The following GALNT2 variants were observed in gnomAD, a reference collection of about 807,000 sequenced individuals.
The protein encoded by GALNT2 is polypeptide N-acetylgalactosaminyltransferase 2, also known as UDP-GalNAc:polypeptide N-acetylgalactosaminyltransferase 2.
In GALNT2, 31 loss-of-function variants were observed where a neutral mutation model predicts 81.4. The ratio of observed to expected loss-of-function variants is 0.38; its 90% CI spans 0.29 to 0.51. The LOEUF (loss-of-function observed/expected upper bound fraction) is 0.51. Ranked by LOEUF, GALNT2 falls within the 20% of genes least tolerant of loss-of-function variation. The probability of loss-of-function intolerance (pLI) is 0.87; values close to 1 mark genes in which losing one functional copy is unlikely to be tolerated. For synonymous variants in GALNT2, 303 were observed against 287.4 expected, an observed-to-expected ratio of 1.05 and a Z score of -0.55; for missense variants, 629 against 765.7, an observed-to-expected ratio of 0.82 and a Z score of 2.11.
At chr1:230,094,044 C>G (rs1215576943) in intron 1 of GALNT2, among the ~76,000 whole-genome samples, 2 of 152,124 alleles carry the variant, frequency 1.3e-5, no homozygotes, top group Admixed American at 1.3e-4. Context: ...CTCTGTTGCC[C>G]AGGCTGGAAT....
At chr1:230,064,955 T>C (rs1225310888), upstream of GALNT2, among the ~76,000 whole-genome samples, 3 of 152,270 alleles carry the variant, frequency 2.0e-5, no homozygotes, top group Non-Finnish European at 4.4e-5. Context: ...ATCGTTTTAC[T>C]AAAATATATT....
chr1:230,261,806 C>G (rs557039613), intron 11 of GALNT2: 1 of 152,148 alleles, frequency 6.6e-6, no homozygotes, highest in Non-Finnish European at 1.5e-5. Flanking sequence ...GTCAAGAGAT[C>G]GAGACCATCC....
chr1:230,090,869 A>C (rs1660051421), intron 1 of GALNT2, among the ~76,000 whole-genome samples: 1 of 152,018 alleles, frequency 6.6e-6, no homozygotes, highest in South Asian at 2.1e-4. Flanking sequence ...CTAAGGCATC[A>C]CTCTTGGTTT....
intron 1 of GALNT2, among the ~76,000 whole-genome samples, chr1:230,089,912 G>A (rs192850418): frequency 6.6e-6 from 1 of 152,270 alleles, no homozygotes; most frequent in Admixed American, 6.5e-5. Context: ...AGTACACCTG[G>A]TGGAACTGCT....
chr1:230,098,817 A>T (rs1660322276), intron 1 of GALNT2, among the ~76,000 whole-genome samples: 1 of 152,192 alleles, frequency 6.6e-6, no homozygotes, highest in South Asian at 2.1e-4. Flanking sequence ...TTAGCATCCA[A>T]GATGGAGTTG....
rs118120922 is a variant in GALNT2 at position 230,081,735 on chromosome 1, C to T, written c.126+14329C>T. ...CAACTGGATTGCAGATCAATAGATACACTCTGTGATGATTTTAAGGAGGAA... is the reference window on the plus strand; with the variant it reads ...CAACTGGATTGCAGATCAATAGATATACTCTGTGATGATTTTAAGGAGGAA... On this transcript the variant is annotated intron_variant, in intron 1 of 15. Coordinates refer to ENST00000366672, the MANE Select transcript of GALNT2 (RefSeq NM_004481.5). Among the ~76,000 whole-genome samples the T allele has an allele frequency of 3.2e-3, 493 of 152,320 alleles. 9 individuals carry two copies. In the East Asian group the frequency reaches 0.063, roughly 19 times the overall value.
chr1:230,110,866 C>G (rs919151755), intron 1 of GALNT2, among the ~76,000 whole-genome samples: 5 of 152,060 alleles, frequency 3.3e-5, no homozygotes, highest in African/African-American at 1.2e-4. Flanking sequence ...ATAGTTTCCT[C>G]TGGGTGGGTT....
intron 1 of GALNT2, among the ~76,000 whole-genome samples, chr1:230,140,974 G>C (rs1220065056): frequency 6.6e-6 from 1 of 152,138 alleles, no homozygotes; most frequent in East Asian, 1.9e-4. Context: ...CTCTGCTTTT[G>C]TGTCATCATT....
Position 230,243,461 on chromosome 1 carries a change from C to T in GALNT2, c.729+34C>T, listed in dbSNP as rs750666004. 1.2e-5 allele frequency: 19 copies of T among 1,603,694 alleles called. No homozygotes were observed. Among genetic ancestry groups the T allele is most frequent in the Middle Eastern group, 1.7e-4 (1 of 6,060 alleles). ...ACGGGGGCTGGGAGGGGTGTCAGGT[C>T]GTGGGTGGTTGGTAGAGGGGACAGA... On this transcript the variant is annotated intron_variant, in intron 7 of 15. Coordinates refer to ENST00000366672, the MANE Select transcript of GALNT2 (RefSeq NM_004481.5). This position sits in a 1 kb window ranked among gnomAD's most constrained non-coding sequence, Gnocchi z 4.2.
At position 230,121,281 on chromosome 1, in the gene GALNT2, C is replaced by T. The variant is rs1235972167; in HGVS notation, c.126+53875C>T. Among the ~76,000 whole-genome samples, 3 of 152,244 alleles carry T rather than the reference C, an allele frequency of 2.0e-5. No individual in the cohort carries two copies. In the East Asian group the frequency reaches 5.8e-4, roughly 29 times the overall value. On this transcript the variant is annotated intron_variant, in intron 1 of 15. Transcript: ENST00000366672. Reference sequence around the variant, plus strand: ...GGTTGTGAAGGCTTTGTATGGGTCCCTGGACCACACCTGAGGAGGCGCTGT... The same window carrying T: ...GGTTGTGAAGGCTTTGTATGGGTCCTTGGACCACACCTGAGGAGGCGCTGT...
At chr1:230,137,381 T>TG (rs1264784448) in intron 1 of GALNT2, among the ~76,000 whole-genome samples, 9 of 152,182 alleles carry the variant, frequency 5.9e-5, no homozygotes, top group African/African-American at 2.2e-4. Context: ...CCTTGGTGGC[T>TG]GGGAGGGTCT....
chr1:230,170,949 C>T (rs1312587882), intron 1 of GALNT2, among the ~76,000 whole-genome samples: 1 of 152,202 alleles, frequency 6.6e-6, no homozygotes, highest in East Asian at 1.9e-4. Context: ...GAGGAGACAG[C>T]TATCCAGATG....
intron 2 of GALNT2, among the ~76,000 whole-genome samples, chr1:230,183,104 G>C (rs1445465255): frequency 6.6e-6 from 1 of 152,116 alleles, no homozygotes; most frequent in East Asian, 1.9e-4. Flanking sequence ...TAGCATGATA[G>C]ATCTAACTTT....
chr1:230,220,124 C>G (rs553438251), intron 3 of GALNT2, among the ~76,000 whole-genome samples: 312 of 152,286 alleles, frequency 2.0e-3, no homozygotes, highest in African/African-American at 6.7e-3. Flanking sequence ...ACCTTGTACT[C>G]AAACACACTA....
chr1:230,270,217 A>T (rs889936295), intron 14 of GALNT2, among the ~76,000 whole-genome samples: 11 of 152,162 alleles, frequency 7.2e-5, no homozygotes, highest in Non-Finnish European at 1.6e-4. Context: ...ATAAATAAAA[A>T]TTTTTAAAAA....
At chr1:230,127,756 C>G (rs558088098) in intron 1 of GALNT2, among the ~76,000 whole-genome samples, 1 of 151,772 alleles carries the variant, frequency 6.6e-6, no homozygotes, top group Non-Finnish European at 1.5e-5. Context: ...CTCAGTGATA[C>G]GCTCCCGTGC....
At chr1:230,167,685 A>AGGAGC (rs1441498906) in intron 1 of GALNT2, among the ~76,000 whole-genome samples, 2 of 152,158 alleles carry the variant, frequency 1.3e-5, no homozygotes, top group Non-Finnish European at 2.9e-5. Flanking sequence ...CCGAGCGTGG[A>AGGAGC]GGAGCGCCGT....
intron 2 of GALNT2, among the ~76,000 whole-genome samples, chr1:230,183,066 G>A (rs964469424): frequency 1.3e-5 from 2 of 152,080 alleles, no homozygotes; most frequent in African/African-American, 4.8e-5. Flanking sequence ...AATTAATATA[G>A]CTATTCTTAC....
At chr1:230,274,684 T>C (rs1291392620) in intron 15 of GALNT2, 120 bp downstream of exon 15, 5 of 1,200,830 alleles carry the variant, frequency 4.2e-6, no homozygotes, top group Admixed American at 2.9e-5. Context: ...ACTTATGTGT[T>C]CTTTTGCATC....
Sources: gnomAD v4.1 joint callset for allele counts (sites outside exome capture counted in the v4.1 genomes callset) on GRCh38, gnomAD v4.1.1 for gene constraint, Gnocchi (gnomAD v3.1) non-coding constraint, MANE v1.5 for transcripts, NCBI Gene and HGNC (gene_info 2026-07-23, HGNC 2026-07-21) for gene names.